The following CDKAL1 variants were observed in gnomAD, a reference collection of about 807,000 sequenced individuals.
CDKAL1 encodes CDKAL1 threonylcarbamoyladenosine tRNA methylthiotransferase, also known as threonylcarbamoyladenosine tRNA methylthiotransferase.
A neutral mutation model predicts 68.2 loss-of-function variants in CDKAL1; 32 were observed. The ratio of observed to expected loss-of-function variants is 0.47; its 90% CI spans 0.35 to 0.63. CDKAL1 has a LOEUF of 0.63. Among genes scored for constraint, CDKAL1 ranks in the 30% least tolerant of loss-of-function variants. The pLI, the probability that CDKAL1 is intolerant of heterozygous loss-of-function variation, is 0.00. For missense variants in CDKAL1, 606 were observed against 696.7 expected (o/e 0.87, Z 1.47); for synonymous variants, 234 against 244.3 (o/e 0.96, Z 0.39).
intron 10 of CDKAL1, among the ~76,000 whole-genome samples, chr6:20,985,986 G>T (rs1050702613): frequency 1.3e-5 from 2 of 151,826 alleles, no homozygotes; most frequent in Non-Finnish European, 2.9e-5. Context: ...ATAGCTCCAG[G>T]GACAACATTG....
At chr6:20,561,446 GAAAAAAAAAAAAAAAAAA>G (rs55750789) in intron 4 of CDKAL1, among the ~76,000 whole-genome samples, 6 of 79,652 alleles carry the variant, frequency 7.5e-5, no homozygotes, top group Non-Finnish European at 1.4e-4. Context: ...TCTCAAAAAA[GAAAAAAAAAAAAAAAAAA>G]AAAAAAAGAA....
chr6:20,870,120 C>A (rs1052365286), intron 9 of CDKAL1, among the ~76,000 whole-genome samples: 1 of 152,112 alleles, frequency 6.6e-6, no homozygotes, highest in Non-Finnish European at 1.5e-5. Flanking sequence ...GAGAGAAAAA[C>A]CTATTCGCTT....
At chr6:20,897,193 G>A (rs570593056) in intron 9 of CDKAL1, among the ~76,000 whole-genome samples, 2 of 152,238 alleles carry the variant, frequency 1.3e-5, no homozygotes, top group African/African-American at 4.8e-5. Context: ...CCATTCCTGA[G>A]GGAATAGCTG....
At chr6:21,037,241 CAG>C (rs1041328265) in intron 11 of CDKAL1, among the ~76,000 whole-genome samples, 112 of 152,192 alleles carry the variant, frequency 7.4e-4, no homozygotes, top group African/African-American at 2.5e-3. Flanking sequence ...GTTTTTAGCA[CAG>C]AGTGAAAAAT....
intron 9 of CDKAL1, among the ~76,000 whole-genome samples, chr6:20,904,480 G>A (rs1224330866): frequency 6.6e-6 from 1 of 152,076 alleles, no homozygotes; most frequent in Non-Finnish European, 1.5e-5. Context: ...GGACACGTAT[G>A]AGGAAAGTTA....
intron 13 of CDKAL1, among the ~76,000 whole-genome samples, chr6:21,129,657 A>G (rs1431354864): frequency 7.1e-6 from 1 of 141,398 alleles, no homozygotes; most frequent in East Asian, 2.2e-4. Flanking sequence ...CTTATAGGAG[A>G]CTATACATTC....
intron 13 of CDKAL1, among the ~76,000 whole-genome samples, chr6:21,188,731 T>C (rs1476304512): frequency 4.6e-5 from 7 of 152,192 alleles, no homozygotes; most frequent in African/African-American, 1.4e-4. Flanking sequence ...CCTGATGTAC[T>C]TTGTGCCGGC....
At chr6:20,534,888 C>G (rs952496989) in intron 1 of CDKAL1, among the ~76,000 whole-genome samples, 2 of 152,148 alleles carry the variant, frequency 1.3e-5, no homozygotes, top group Non-Finnish European at 2.9e-5. Flanking sequence ...ACAAGGCTTT[C>G]GCAGTTATAT....
At chr6:20,866,125 G>C (rs1326355761) in intron 9 of CDKAL1, among the ~76,000 whole-genome samples, 1 of 152,124 alleles carries the variant, frequency 6.6e-6, no homozygotes, top group Non-Finnish European at 1.5e-5. Flanking sequence ...TTGCAAACCA[G>C]GTCAGACGCC....
At chr6:20,564,347 A>G (rs757442612) in intron 4 of CDKAL1, among the ~76,000 whole-genome samples, 90 of 152,208 alleles carry the variant, frequency 5.9e-4, no homozygotes, top group Non-Finnish European at 1.1e-3. Flanking sequence ...ATGTTTTTGT[A>G]CAATTTAGCT....
chr6:20,781,069 C>T (rs1775404746), intron 7 of CDKAL1, 76 bp from the exon 8 acceptor site: 2 of 1,403,776 alleles, frequency 1.4e-6, no homozygotes, highest in Non-Finnish European at 2.0e-6. Context: ...GTTAAATGAA[C>T]ACATTTGTTG....
At chr6:21,125,618 G>T (rs1436694636) in intron 13 of CDKAL1, among the ~76,000 whole-genome samples, 2 of 152,222 alleles carry the variant, frequency 1.3e-5, no homozygotes, top group East Asian at 3.8e-4. Flanking sequence ...GGCGGAGGTT[G>T]CTGTGAGCCA....
At chr6:21,195,533 C>G (rs1411862846) in intron 13 of CDKAL1, among the ~76,000 whole-genome samples, 4 of 137,970 alleles carry the variant, frequency 2.9e-5, no homozygotes, top group Non-Finnish European at 6.3e-5. Context: ...TTATTTGAGA[C>G]AGGGTCTTAT....
rs1022206454 is a variant in CDKAL1, at chr6:20,707,378, T to C, written c.372-32141T>C. Reference sequence around the variant, plus strand: ...GTAAGAAAACAAATCCTTTTAAAAGTTATTATTCAGCAACCACAGAATGCT... The same window carrying C: ...GTAAGAAAACAAATCCTTTTAAAAGCTATTATTCAGCAACCACAGAATGCT... On this transcript the variant is annotated intron_variant, in intron 5 of 15. Transcript: ENST00000274695. 4.6e-5 allele frequency among the ~76,000 whole-genome samples: 7 copies of C among 152,246 alleles called. No individual in the cohort carries two copies. The East Asian group carries it at 1.2e-3, about 25-fold the overall frequency.
chr6:20,645,137 A>G (rs1768381311), intron 4 of CDKAL1, among the ~76,000 whole-genome samples: 1 of 152,180 alleles, frequency 6.6e-6, no homozygotes, highest in South Asian at 2.1e-4. Context: ...AGCTTGCAGG[A>G]CTGGAAGTTG....
At chr6:21,150,420 G>A (rs183685650) in intron 13 of CDKAL1, among the ~76,000 whole-genome samples, 13 of 152,232 alleles carry the variant, frequency 8.5e-5, no homozygotes, top group South Asian at 4.2e-4. Flanking sequence ...GTGCAGGGCC[G>A]TGTTCTCTAA....
At chr6:20,690,480 T>C (rs912224294) in intron 5 of CDKAL1, among the ~76,000 whole-genome samples, 2 of 152,156 alleles carry the variant, frequency 1.3e-5, no homozygotes, top group African/African-American at 4.8e-5. Context: ...AGAAGAGATA[T>C]CCATTAGCCT....
At chr6:21,075,532 A>T (rs1213398007) in intron 12 of CDKAL1, among the ~76,000 whole-genome samples, 2 of 152,188 alleles carry the variant, frequency 1.3e-5, no homozygotes, top group African/African-American at 4.8e-5. Flanking sequence ...TAAATTAGAC[A>T]ATATATTTTC....
chr6:20,934,548 CAA>C (rs932552056), intron 9 of CDKAL1, among the ~76,000 whole-genome samples: 2 of 150,390 alleles, frequency 1.3e-5, no homozygotes, highest in Non-Finnish European at 3.0e-5. Flanking sequence ...ACTGCATTAA[CAA>C]AAAAAAAGTC....
Sources: gnomAD v4.1 joint callset for allele counts (sites outside exome capture counted in the v4.1 genomes callset) on GRCh38, gnomAD v4.1.1 for gene constraint, MANE v1.5 for transcripts, NCBI Gene and HGNC (gene_info 2026-07-23, HGNC 2026-07-21) for gene names.